Variants in RPS6KB1 observed in about 807,000 individuals in gnomAD.
RPS6KB1 encodes ribosomal protein S6 kinase beta-1.
RPS6KB1 carries 12 observed loss-of-function variants against 70.2 expected under a neutral mutation model. The ratio of observed to expected loss-of-function variants is 0.17; its 90% CI spans 0.11 to 0.28. The LOEUF is 0.28. Among genes scored for constraint, RPS6KB1 ranks in the 10% least tolerant of loss-of-function variants. The pLI is 1.00. For synonymous variants in RPS6KB1, 175 were observed against 211.2 expected, an observed-to-expected ratio of 0.83 and a Z score of 1.49; for missense variants, 270 against 646.6, an observed-to-expected ratio of 0.42 and a Z score of 6.32.
intron 1 of RPS6KB1, among the ~76,000 whole-genome samples, chr17:59,896,789 G>A (rs1010569655): frequency 2.0e-5 from 3 of 152,056 alleles, no homozygotes; most frequent in African/African-American, 7.2e-5. Flanking sequence ...ACTTTTTGGA[G>A]TTGAAAATAT....
chr17:59,908,643 G>A (rs2042411613), intron 1 of RPS6KB1, among the ~76,000 whole-genome samples: 1 of 132,514 alleles, frequency 7.5e-6, no homozygotes, highest in Non-Finnish European at 1.6e-5. Context: ...TTTTGAGACG[G>A]AGTCTCGCTC....
At position 59,909,151 on chromosome 17, in the gene RPS6KB1, C is replaced by T. The variant is rs190811764; in HGVS notation, c.142-1411C>T. Among the ~76,000 whole-genome samples, 383 of 144,232 alleles carry T rather than the reference C, an allele frequency of 2.7e-3. 2 individuals carry two copies. Among genetic ancestry groups the T allele is most frequent in the African/African-American group, 8.8e-3 (345 of 39,298 alleles). The allele number at this position is 144,232 out of a possible 152,430, so 94.6% of individuals were successfully genotyped here. On this transcript the variant is annotated intron_variant, in intron 1 of 14. Transcript: ENST00000225577. ...CCATATTGGTAAGGCTGGTCTCGAA[C>T]CCCCAACTTCAGGTGATCTGCCCGC...
chr17:59,900,223 CACACA>C (rs1413175805), intron 1 of RPS6KB1, among the ~76,000 whole-genome samples: 22 of 140,976 alleles, frequency 1.6e-4, no homozygotes, highest in East Asian at 4.1e-4. Context: ...CACACACACA[CACACA>C]CACCCCTATG....
chr17:59,941,314 T>G (rs2044565880), intron 13 of RPS6KB1, among the ~76,000 whole-genome samples: 1 of 150,358 alleles, frequency 6.7e-6, no homozygotes, highest in South Asian at 2.1e-4. Context: ...TATAGATTTT[T>G]GGTACTTTTT....
In RPS6KB1 at chr17:59,910,543, CT is replaced by C; in HGVS notation, c.142-15del. The C allele has an allele frequency of 1.3e-6, 2 of 1,527,106 alleles. No individual in the cohort carries two copies. The highest frequency in any genetic ancestry group is 2.3e-5 in the East Asian group (1 of 43,998). 94.6% of individuals were successfully genotyped at this position (1,527,106 alleles called of 1,614,324 possible). A position where few individuals can be genotyped will look rare whatever the true frequency, so the allele number is the denominator to read the frequency against. On this transcript the variant is annotated intron_variant, in intron 1 of 14. Transcript: ENST00000225577. ...TATGTTTATTAGATTATTTCTGAAA[CT>C]TTTAACATATTTTTCAGGGTCAGTT...
Position 59,901,832 on chromosome 17 carries a change from C to G in RPS6KB1, c.141+8507C>G, listed in dbSNP as rs1182881306. Reference sequence around the variant, plus strand: ...GATCACTTGAGACTAGCCTGGGCAACATAGTGAGACCCGTGTCTCTACGAA... The same window carrying G: ...GATCACTTGAGACTAGCCTGGGCAAGATAGTGAGACCCGTGTCTCTACGAA... On this transcript the variant is annotated intron_variant, in intron 1 of 14. Transcript: ENST00000225577. Among the ~76,000 whole-genome samples the G allele has an allele frequency of 4.0e-5, 6 of 151,160 alleles. No homozygotes were observed. In the East Asian group the frequency reaches 1.2e-3, roughly 29 times the overall value.
chr17:59,924,842 T>TA lies in RPS6KB1; in HGVS notation c.382-1593_382-1592insA, dbSNP rs531406820. On this transcript the variant is annotated intron_variant, in intron 4 of 14. Coordinates refer to ENST00000225577, the MANE Select transcript of RPS6KB1 (RefSeq NM_003161.4). ...TTATTTATTTATTTATTTATTTATT[T>TA]TTTTGAGACGGAGTCTCACTTTGTC... Among the ~76,000 whole-genome samples, 961 of 151,278 alleles carry TA rather than the reference T, an allele frequency of 6.4e-3. 8 individuals are homozygous for TA. Among genetic ancestry groups the TA allele is most frequent in the Middle Eastern group, 0.024 (7 of 294 alleles).
intron 4 of RPS6KB1, among the ~76,000 whole-genome samples, chr17:59,918,829 C>CTTTTT (rs35207575): frequency 8.9e-4 from 106 of 119,040 alleles, no homozygotes; most frequent in Non-Finnish European, 1.1e-3. Flanking sequence ...ACTGATTATT[C>CTTTTT]TTTTTTTTTT....
rs1166563740 is a variant in RPS6KB1 at position 59,948,036 on chromosome 17, G to A, written c.*1248G>A. The A allele has an allele frequency of 6.4e-6, 1 of 156,278 alleles. No homozygotes were observed. Among genetic ancestry groups the A allele is most frequent in the Non-Finnish European group, 1.4e-5 (1 of 70,770 alleles). The allele number at this position is 156,278 out of a possible 1,614,324, so 9.7% of individuals were successfully genotyped here. The stretch of plus-strand genomic sequence containing the variant: ...TTGTAAAAATATTTGATGGCCTTTT[G>A]ATGAATGTCTTCCACAGTAAAGAAA... On this transcript the variant is annotated 3_prime_UTR_variant, in exon 15 of 15. Transcript: ENST00000225577.
At chr17:59,916,534 A>AAC (rs2042973670) in intron 4 of RPS6KB1, among the ~76,000 whole-genome samples, 1 of 152,160 alleles carries the variant, frequency 6.6e-6, no homozygotes, top group Non-Finnish European at 1.5e-5. Context: ...AACTTTGTAA[A>AAC]ACACCTTTCA....
chr17:59,893,951 AC>A lies in RPS6KB1; in HGVS notation c.141+631del, dbSNP rs2041328526. ...TTTGTTTGTTTGCTTTTTTTTTTTT[AC>A]CCCCTTCCGTGTGACTTTTTAAAAT... On this transcript the variant is annotated intron_variant, in intron 1 of 14. Transcript: ENST00000225577. The surrounding 1 kb of genome is among the most constrained non-coding windows in gnomAD (Gnocchi z 4.1). 2.5e-6 allele frequency: 2 copies of A among 796,708 alleles called. No individual in the cohort carries two copies. 49.4% of individuals were successfully genotyped at this position (796,708 alleles called of 1,614,324 possible). A position where few individuals can be genotyped will look rare whatever the true frequency, so the allele number is the denominator to read the frequency against.
At chr17:59,910,771 A>G (rs1248796789) in intron 2 of RPS6KB1, among the ~76,000 whole-genome samples, 160 bp downstream of exon 2, 1 of 152,196 alleles carries the variant, frequency 6.6e-6, no homozygotes, top group Admixed American at 6.6e-5. Flanking sequence ...AATCTGATCA[A>G]TATAACCTAT....
chr17:59,896,608 C>A (rs1232221586), intron 1 of RPS6KB1, among the ~76,000 whole-genome samples: 1 of 151,786 alleles, frequency 6.6e-6, no homozygotes. Context: ...CTGCTGGGTA[C>A]AAGCAAGTAG....
At chr17:59,936,654 T>C (rs905755167) in intron 12 of RPS6KB1, 113 bp downstream of exon 12, 33 of 834,702 alleles carry the variant, frequency 4.0e-5, no homozygotes, top group Non-Finnish European at 6.7e-5. Flanking sequence ...AAGACCAGCA[T>C]GGGCAACATA....
intron 13 of RPS6KB1, among the ~76,000 whole-genome samples, chr17:59,941,521 A>G (rs1048384174): frequency 6.6e-6 from 1 of 151,526 alleles, no homozygotes; most frequent in African/African-American, 2.4e-5. Context: ...GAGTCTCACT[A>G]TTTTACTCCT....
At chr17:59,903,163 G>A (rs1044673671) in intron 1 of RPS6KB1, among the ~76,000 whole-genome samples, 6 of 151,916 alleles carry the variant, frequency 3.9e-5, no homozygotes, top group Non-Finnish European at 7.4e-5. Flanking sequence ...AAAATTAGCC[G>A]GGCGTGGTGG....
Position 59,949,829 on chromosome 17 carries a change from C to T in RPS6KB1, c.*3041C>T, listed in dbSNP as rs2045118278. The T allele has an allele frequency of 6.7e-6, 1 of 148,564 alleles. No homozygotes were observed. The highest frequency in any genetic ancestry group is 2.5e-5 in the African/African-American group (1 of 39,234). 9.2% of individuals were successfully genotyped at this position (148,564 alleles called of 1,614,324 possible). On this transcript the variant is annotated 3_prime_UTR_variant, in exon 15 of 15. Transcript: ENST00000225577. ...GTAATGAATGATTATAAACAAGATG[C>T]ATCTTAGATAGTATTAATATACTGA...
chr17:59,897,259 C>G (rs919104190), intron 1 of RPS6KB1, among the ~76,000 whole-genome samples: 1 of 152,170 alleles, frequency 6.6e-6, no homozygotes, highest in South Asian at 2.1e-4. Context: ...GGAGTAAATT[C>G]CTTAATCTCT....
At chr17:59,928,983 G>A (rs2043780945) in intron 5 of RPS6KB1, among the ~76,000 whole-genome samples, 1 of 152,146 alleles carries the variant, frequency 6.6e-6, no homozygotes, top group Non-Finnish European at 1.5e-5. Flanking sequence ...CCCATTACTT[G>A]TGATGTTAAC....
Sources: allele counts gnomAD v4.1 joint callset (sites outside exome capture counted in the v4.1 genomes callset), GRCh38; gene constraint gnomAD v4.1.1; non-coding constraint Gnocchi (gnomAD v3.1); transcripts MANE v1.5; gene names NCBI Gene and HGNC (gene_info 2026-07-23, HGNC 2026-07-21).